Variants in EPHA6 observed in about 807,000 individuals in gnomAD.
EPHA6 encodes EPH receptor A6.
A neutral mutation model predicts 112.0 loss-of-function variants in EPHA6; 50 were observed. The ratio of observed to expected loss-of-function variants is 0.45; its 90% CI spans 0.36 to 0.56. The LOEUF (loss-of-function observed/expected upper bound fraction) is 0.56. EPHA6 is among the 20% of genes least tolerant of loss of function. The probability of loss-of-function intolerance (pLI) is 0.00; values close to 1 mark genes in which losing one functional copy is unlikely to be tolerated. For synonymous variants in EPHA6, 529 were observed against 490.7 expected (o/e 1.08, Z -1.03); for missense variants, 1,280 against 1,417.4 (o/e 0.90, Z 1.56).
chr3:97,562,254 T>A lies in EPHA6; in HGVS notation c.2386+29711T>A, dbSNP rs979116909. The stretch of plus-strand genomic sequence containing the variant: ...CTTAGGTAGTAATTTCTCTGATGGA[T>A]CTGGATAAAGTAAATTGAAAATCTT... On this transcript the variant is annotated intron_variant, in intron 11 of 17. Coordinates refer to ENST00000389672, the MANE Select transcript of EPHA6 (RefSeq NM_001080448.3). 4.6e-5 allele frequency among the ~76,000 whole-genome samples: 7 copies of A among 152,306 alleles called. No individual in the cohort carries two copies. The East Asian group carries it at 1.3e-3, about 29-fold the overall frequency.
At chr3:97,606,453 G>T (rs1204887739) in intron 12 of EPHA6, among the ~76,000 whole-genome samples, 3 of 151,190 alleles carry the variant, frequency 2.0e-5, no homozygotes, top group African/African-American at 7.3e-5. Context: ...ACTAGAAAGG[G>T]TTTAATAAAG....
intron 3 of EPHA6, among the ~76,000 whole-genome samples, chr3:97,101,043 A>G (rs912035794): frequency 6.6e-6 from 1 of 152,020 alleles, no homozygotes; most frequent in Non-Finnish European, 1.5e-5. Flanking sequence ...ATGTATTATG[A>G]TTCAGATTTT....
intron 12 of EPHA6, among the ~76,000 whole-genome samples, chr3:97,608,281 G>A (rs960377108): frequency 6.6e-6 from 1 of 151,176 alleles, no homozygotes; most frequent in Non-Finnish European, 1.5e-5. Context: ...ATTACCTAAA[G>A]TATCTCCCAA....
chr3:97,123,797 A>C (rs1176476373), intron 3 of EPHA6, among the ~76,000 whole-genome samples: 1 of 152,116 alleles, frequency 6.6e-6, no homozygotes, highest in African/African-American at 2.4e-5. Flanking sequence ...GTGATTTGAA[A>C]TCAGCCATAG....
intron 3 of EPHA6, among the ~76,000 whole-genome samples, chr3:97,175,650 TTGTAAA>T (rs2076816473): frequency 7.9e-5 from 12 of 151,916 alleles, no homozygotes; most frequent in Admixed American, 7.9e-4. Flanking sequence ...TGTGTGGCTA[TTGTAAA>T]TGTAATTACT....
intron 14 of EPHA6, among the ~76,000 whole-genome samples, chr3:97,704,711 A>T (rs572905803): frequency 6.6e-6 from 1 of 152,182 alleles, no homozygotes; most frequent in East Asian, 1.9e-4. Flanking sequence ...ATTTTTCTAA[A>T]TTTTTTTATT....
chr3:97,532,287 A>G (rs2107648778), intron 10 of EPHA6, 71 bp from the exon 11 acceptor site: 8 of 1,344,912 alleles, frequency 5.9e-6, no homozygotes, highest in Non-Finnish European at 8.2e-6. Context: ...ATGTCACTGT[A>G]TGACAGTTTG....
At chr3:97,311,181 A>G (rs2081543809) in intron 5 of EPHA6, among the ~76,000 whole-genome samples, 2 of 151,708 alleles carry the variant, frequency 1.3e-5, no homozygotes, top group African/African-American at 4.8e-5. Context: ...TTGATGTTAC[A>G]TAAAGTCTAT....
At chr3:96,969,839 CCTT>C (rs2042250607) in intron 2 of EPHA6, among the ~76,000 whole-genome samples, 1 of 151,848 alleles carries the variant, frequency 6.6e-6, no homozygotes, top group Non-Finnish European at 1.5e-5. Context: ...AATACTTTCT[CCTT>C]CATTAATAAT....
chr3:96,950,296 C>G (rs948608098), intron 2 of EPHA6, among the ~76,000 whole-genome samples: 1 of 152,084 alleles, frequency 6.6e-6, no homozygotes, highest in Non-Finnish European at 1.5e-5. Flanking sequence ...TACTCATGCC[C>G]TAGTTCAAAT....
At chr3:97,597,230 C>T (rs913700315) in intron 12 of EPHA6, among the ~76,000 whole-genome samples, 2 of 151,982 alleles carry the variant, frequency 1.3e-5, no homozygotes, top group African/African-American at 4.8e-5. Context: ...GTTTGCCTGC[C>T]TGTGCTTTAA....
chr3:97,038,875 C>T (rs1054699677), intron 3 of EPHA6, among the ~76,000 whole-genome samples: 56 of 152,154 alleles, frequency 3.7e-4, no homozygotes, highest in African/African-American at 1.3e-3. Flanking sequence ...TGATTTCCTT[C>T]CTGTGTGTTC....
At chr3:97,347,519 T>C (rs1373237414) in intron 5 of EPHA6, among the ~76,000 whole-genome samples, 1 of 152,116 alleles carries the variant, frequency 6.6e-6, no homozygotes, top group Admixed American at 6.6e-5. Context: ...GAGAGAATCA[T>C]GTATTCACAC....
intron 2 of EPHA6, among the ~76,000 whole-genome samples, chr3:96,966,807 A>T (rs2042136717): frequency 6.6e-6 from 1 of 152,026 alleles, no homozygotes; most frequent in Non-Finnish European, 1.5e-5. Flanking sequence ...TCTCAGGCGT[A>T]TATAATTATT....
intron 7 of EPHA6, among the ~76,000 whole-genome samples, chr3:97,455,691 T>C (rs1393879130): frequency 1.3e-5 from 2 of 152,030 alleles, no homozygotes; most frequent in Non-Finnish European, 2.9e-5. Flanking sequence ...AGTGTTTTAA[T>C]GCATATTTCT....
chr3:97,047,961 A>G (rs2045567228), intron 3 of EPHA6, among the ~76,000 whole-genome samples: 2 of 152,182 alleles, frequency 1.3e-5, no homozygotes, highest in Admixed American at 1.3e-4. Context: ...TGTCTACTTT[A>G]ATAGAATTCT....
chr3:97,429,754 G>C (rs1210195625), intron 6 of EPHA6, among the ~76,000 whole-genome samples: 1 of 152,156 alleles, frequency 6.6e-6, no homozygotes, highest in African/African-American at 2.4e-5. Context: ...CCAAACCAAA[G>C]ATAGAATAAC....
intron 12 of EPHA6, among the ~76,000 whole-genome samples, chr3:97,597,520 G>A (rs2093604793): frequency 6.6e-6 from 1 of 152,150 alleles, no homozygotes. Flanking sequence ...CAAGCATTTT[G>A]ACATCCTCAC....
intron 3 of EPHA6, among the ~76,000 whole-genome samples, chr3:97,099,227 T>A (rs1329947803): frequency 6.6e-6 from 1 of 151,728 alleles, no homozygotes; most frequent in Non-Finnish European, 1.5e-5. Flanking sequence ...AGCAGACTTA[T>A]CCATAACTTT....
Sources: allele counts gnomAD v4.1 joint callset (sites outside exome capture counted in the v4.1 genomes callset), GRCh38; gene constraint gnomAD v4.1.1; transcripts MANE v1.5; gene names NCBI Gene and HGNC (gene_info 2026-07-23, HGNC 2026-07-21).